EPHA6: variants seen among roughly 807,000 people sequenced by gnomAD.
The protein encoded by EPHA6 is ephrin type-A receptor 6.
Under a neutral mutation model 112.0 loss-of-function variants are expected in EPHA6, and 50 were observed. The ratio of observed to expected loss-of-function variants is 0.45; its 90% CI spans 0.36 to 0.56. EPHA6 has a LOEUF of 0.56. EPHA6 is among the 20% of genes least tolerant of loss of function. EPHA6 has a pLI of 0.00. For synonymous variants in EPHA6, 529 were observed against 490.7 expected, an observed-to-expected ratio of 1.08 and a Z score of -1.03; for missense variants, 1,280 against 1,417.4, an observed-to-expected ratio of 0.90 and a Z score of 1.56.
chr3:97,152,445 A>C (rs2108378660), intron 3 of EPHA6, among the ~76,000 whole-genome samples: 1 of 149,296 alleles, frequency 6.7e-6, no homozygotes, highest in East Asian at 1.9e-4. Flanking sequence ...AATATATATT[A>C]AATATTTTAT....
chr3:97,209,579 G>T (rs913291443), intron 3 of EPHA6, among the ~76,000 whole-genome samples: 6 of 152,126 alleles, frequency 3.9e-5, no homozygotes, highest in African/African-American at 1.4e-4. Flanking sequence ...TTGCCAGCAT[G>T]ATTAATAACT....
At position 97,293,133 on chromosome 3, in the gene EPHA6, G is replaced by A. The variant is rs565964818; in HGVS notation, c.1606+48846G>A. 3.3e-5 allele frequency among the ~76,000 whole-genome samples: 5 copies of A among 151,376 alleles called. No homozygotes were observed. The South Asian group carries it at 1.0e-3, about 32-fold the overall frequency. ...CTCAGTGGAGCAGAGACTCATGGTGGGCAGCTCCATTCCTCAGCCGGGTCA... is the reference window on the plus strand; with the variant it reads ...CTCAGTGGAGCAGAGACTCATGGTGAGCAGCTCCATTCCTCAGCCGGGTCA... On this transcript the variant is annotated intron_variant, in intron 5 of 17. Coordinates refer to ENST00000389672, the MANE Select transcript of EPHA6 (RefSeq NM_001080448.3).
intron 5 of EPHA6, among the ~76,000 whole-genome samples, chr3:97,364,509 A>G (rs1183102489): frequency 6.6e-6 from 1 of 152,078 alleles, no homozygotes; most frequent in East Asian, 1.9e-4. Flanking sequence ...TGTCACAGCT[A>G]GCAAAATTTC....
At chr3:97,725,948 A>G (rs972460588) in intron 15 of EPHA6, among the ~76,000 whole-genome samples, 50 of 152,120 alleles carry the variant, frequency 3.3e-4, no homozygotes, top group African/African-American at 1.1e-3. Flanking sequence ...GATACTGGGT[A>G]TACTGAGGTT....
intron 10 of EPHA6, among the ~76,000 whole-genome samples, chr3:97,507,899 G>C (rs372693597): frequency 1.3e-5 from 2 of 150,810 alleles, no homozygotes; most frequent in African/African-American, 5.0e-5. Context: ...GAGGGTGTAC[G>C]TGTCCAGGAA....
chr3:97,612,204 G>GGTACTTGAAATGCTGTGTACTTA (rs2093726036), intron 13 of EPHA6, among the ~76,000 whole-genome samples: 2 of 151,900 alleles, frequency 1.3e-5, no homozygotes, highest in Non-Finnish European at 2.9e-5. Context: ...GACCACCTAT[G>GGTACTTGAAATGCTGTGTACTTA]GTACTTGAAA....
chr3:97,546,704 A>G (rs1457294435), intron 11 of EPHA6, among the ~76,000 whole-genome samples: 2 of 152,214 alleles, frequency 1.3e-5, no homozygotes, highest in Non-Finnish European at 2.9e-5. Flanking sequence ...AGGTACACCA[A>G]TCAGACGTAG....
intron 3 of EPHA6, among the ~76,000 whole-genome samples, chr3:97,128,943 A>G (rs1296594416): frequency 7.1e-6 from 1 of 140,478 alleles, no homozygotes. Flanking sequence ...GTGCAACCTC[A>G]GCTCTCTGCA....
chr3:97,267,560 A>C (rs1411602659), intron 5 of EPHA6, among the ~76,000 whole-genome samples: 4 of 152,146 alleles, frequency 2.6e-5, no homozygotes, highest in Non-Finnish European at 5.9e-5. Context: ...TAAACGAAAA[A>C]AATCTTATGT....
intron 3 of EPHA6, among the ~76,000 whole-genome samples, chr3:97,007,187 A>G (rs1466859032): frequency 6.6e-6 from 1 of 152,112 alleles, no homozygotes; most frequent in African/African-American, 2.4e-5. Flanking sequence ...TCATCTGTCT[A>G]GTACTGAGAG....
intron 2 of EPHA6, among the ~76,000 whole-genome samples, chr3:96,961,086 A>T (rs1442616020): frequency 2.0e-5 from 3 of 152,080 alleles, no homozygotes; most frequent in African/African-American, 7.3e-5. Context: ...ACCTAGAAGT[A>T]TTAAGAAGAG....
intron 13 of EPHA6, among the ~76,000 whole-genome samples, chr3:97,631,636 T>C (rs2093903441): frequency 6.6e-6 from 1 of 152,022 alleles, no homozygotes; most frequent in Admixed American, 6.6e-5. Context: ...TTGAACCAGA[T>C]TTGTGAGGAA....
chr3:97,549,532 G>A (rs2093001566), intron 11 of EPHA6, among the ~76,000 whole-genome samples: 1 of 152,042 alleles, frequency 6.6e-6, no homozygotes, highest in East Asian at 1.9e-4. Flanking sequence ...CTTGAAGAAG[G>A]GCCTATATCA....
chr3:97,710,999 T>A (rs2033938435), intron 14 of EPHA6, among the ~76,000 whole-genome samples: 1 of 152,214 alleles, frequency 6.6e-6, no homozygotes, highest in African/African-American at 2.4e-5. Context: ...TAGAGATAGA[T>A]GGTGTATCAG....
At chr3:96,866,672 T>A (rs1266845856) in intron 1 of EPHA6, among the ~76,000 whole-genome samples, 153 bp from the exon 2 acceptor site, 1 of 151,710 alleles carries the variant, frequency 6.6e-6, no homozygotes, top group Non-Finnish European at 1.5e-5. Context: ...ATATTTAATA[T>A]GTAAATTTCT....
chr3:97,701,018 C>G (rs1471829409), intron 14 of EPHA6, among the ~76,000 whole-genome samples: 1 of 152,080 alleles, frequency 6.6e-6, no homozygotes, highest in Non-Finnish European at 1.5e-5. Context: ...AGAAGGATGT[C>G]CCTGTTGGTG....
intron 5 of EPHA6, among the ~76,000 whole-genome samples, chr3:97,395,110 C>T (rs1235856467): frequency 6.6e-6 from 1 of 151,290 alleles, no homozygotes; most frequent in Admixed American, 6.6e-5. Flanking sequence ...TAACATACTA[C>T]AATGTTATTT....
At chr3:97,201,819 A>T (rs2077584986) in intron 3 of EPHA6, among the ~76,000 whole-genome samples, 1 of 152,142 alleles carries the variant, frequency 6.6e-6, no homozygotes, top group African/African-American at 2.4e-5. Context: ...ATGCAGCAAC[A>T]CATAGGCCTT....
At chr3:97,008,052 C>T (rs577439999) in intron 3 of EPHA6, among the ~76,000 whole-genome samples, 92 of 152,214 alleles carry the variant, frequency 6.0e-4, no homozygotes, top group African/African-American at 2.0e-3. Flanking sequence ...TTCTTCATTT[C>T]GACCTTGGAG....
Sources: gnomAD v4.1 joint callset for allele counts (sites outside exome capture counted in the v4.1 genomes callset) on GRCh38, gnomAD v4.1.1 for gene constraint, MANE v1.5 for transcripts, NCBI Gene and HGNC (gene_info 2026-07-23, HGNC 2026-07-21) for gene names.